KLF8: variants seen among roughly 807,000 people sequenced by gnomAD.
KLF8 encodes Krueppel-like factor 8.
A neutral mutation model predicts 18.2 loss-of-function variants in KLF8; 10 were observed. That is an observed-to-expected ratio of 0.55 (90% CI 0.34 to 0.93). The LOEUF is 0.93. KLF8 is among the 40% of genes least tolerant of loss of function. The pLI is 0.02. For synonymous variants in KLF8, 109 were observed against 97.3 expected (o/e 1.12, Z -0.71); for missense variants, 264 against 277.9 (o/e 0.95, Z 0.36).
chrX:56,136,358 A>G, the KLF8 span, among the ~76,000 whole-genome samples: 104 of 111,763 alleles, frequency 9.3e-4, 6 homozygotes, highest in South Asian at 0.038. Flanking sequence ...AAACTATACT[A>G]CAAGACTACA....
chrX:56,202,324 T>G, the KLF8 span, among the ~76,000 whole-genome samples: 1 of 110,496 alleles, frequency 9.1e-6, no homozygotes, highest in East Asian at 2.8e-4. Flanking sequence ...TGTATATATT[T>G]ATGAGGTATA....
At chrX:56,029,125 T>C in the KLF8 span, among the ~76,000 whole-genome samples, 1 of 111,171 alleles carries the variant, frequency 9.0e-6, no homozygotes, top group Non-Finnish European at 1.9e-5. Flanking sequence ...AGGGGCTTGA[T>C]TGATCACCAG....
chrX:56,047,520 G>A, the KLF8 span, among the ~76,000 whole-genome samples: 3 of 108,091 alleles, frequency 2.8e-5, no homozygotes, highest in African/African-American at 1.0e-4. Flanking sequence ...GTGGTGTTTG[G>A]TTTTTTGTCC....
At chrX:56,031,402 G>T in the KLF8 span, among the ~76,000 whole-genome samples, 1 of 112,198 alleles carries the variant, frequency 8.9e-6, no homozygotes, top group Non-Finnish European at 1.9e-5. Context: ...TGGGTGGTCA[G>T]GCCATGCTTC....
chrX:56,088,099 G>C, the KLF8 span, among the ~76,000 whole-genome samples: 2 of 111,378 alleles, frequency 1.8e-5, no homozygotes, highest in East Asian at 5.6e-4. Flanking sequence ...GTTGTAAAAG[G>C]AAATATGGAA....
the KLF8 span, among the ~76,000 whole-genome samples, chrX:56,053,544 G>GTTTTTTTT: frequency 0.021 from 1,422 of 68,376 alleles, 29 homozygotes; most frequent in Non-Finnish European, 0.028. Flanking sequence ...TCTTTTCTTT[G>GTTTTTTTT]TTTTTTTTTT....
the KLF8 span, among the ~76,000 whole-genome samples, chrX:56,199,693 A>G: frequency 8.9e-6 from 1 of 111,829 alleles, no homozygotes; most frequent in Admixed American, 9.5e-5. Context: ...AGGATCTAGA[A>G]CTAGAATTAC....
the KLF8 span, among the ~76,000 whole-genome samples, chrX:55,993,555 G>C: frequency 8.9e-6 from 1 of 111,951 alleles, no homozygotes; most frequent in East Asian, 2.8e-4. Flanking sequence ...ATATTGGCCT[G>C]CAATTTTCTT....
chrX:56,247,043 G>T (rs2066631174), intron 1 of KLF8, among the ~76,000 whole-genome samples: 1 of 111,677 alleles, frequency 9.0e-6, no homozygotes. Flanking sequence ...ATCCCTTAAT[G>T]AAGGGGATAT....
At chrX:56,205,232 A>T in the KLF8 span, among the ~76,000 whole-genome samples, 3 of 111,445 alleles carry the variant, frequency 2.7e-5, no homozygotes, top group Non-Finnish European at 5.7e-5. Context: ...TTTTCTTAAG[A>T]AGCAACCATT....
intron 2 of KLF8, among the ~76,000 whole-genome samples, chrX:56,264,909 T>A (rs901907783): frequency 8.9e-6 from 1 of 112,350 alleles, no homozygotes; most frequent in African/African-American, 3.2e-5. Context: ...TAGTAGATGC[T>A]CAGAAAGTGT....
chrX:56,024,781 G>A, the KLF8 span, among the ~76,000 whole-genome samples: 2 of 111,950 alleles, frequency 1.8e-5, no homozygotes, highest in Admixed American at 9.4e-5. Flanking sequence ...GTCATGGGTT[G>A]AATTTTAAAG....
chrX:55,946,790 G>T, the KLF8 span, among the ~76,000 whole-genome samples: 1 of 110,289 alleles, frequency 9.1e-6, no homozygotes, highest in African/African-American at 3.3e-5. Context: ...AAATTTACAA[G>T]AAAAAAACAA....
chrX:56,062,307 T>G, the KLF8 span, among the ~76,000 whole-genome samples: 1 of 111,422 alleles, frequency 9.0e-6, no homozygotes, highest in Non-Finnish European at 1.9e-5. Flanking sequence ...GTACCTTGTT[T>G]TTTGTTTGTG....
At chrX:56,266,433 C>G in intron 3 of KLF8, 1 of 713,222 alleles carries the variant, frequency 1.4e-6, no homozygotes, top group South Asian at 7.2e-5. Flanking sequence ...AATACTCTAT[C>G]TTAATTTTTT....
intron 2 of KLF8, among the ~76,000 whole-genome samples, chrX:56,262,442 T>G (rs1212441329): frequency 9.0e-6 from 1 of 111,731 alleles, no homozygotes; most frequent in Non-Finnish European, 1.9e-5. Flanking sequence ...CTCATCTCAC[T>G]GAAATGGCCT....
At chrX:55,920,736 T>A in the KLF8 span, among the ~76,000 whole-genome samples, 2 of 111,418 alleles carry the variant, frequency 1.8e-5, no homozygotes, top group African/African-American at 6.5e-5. Context: ...AAAAGAATTT[T>A]AAAAAATGAA....
At chrX:56,258,050 C>G (rs147397573) in intron 2 of KLF8, among the ~76,000 whole-genome samples, 1 of 111,754 alleles carries the variant, frequency 8.9e-6, no homozygotes. Context: ...TGATATTTAG[C>G]CCTATTTGAT....
At chrX:56,052,454 A>T in the KLF8 span, among the ~76,000 whole-genome samples, 1 of 111,676 alleles carries the variant, frequency 9.0e-6, no homozygotes, top group Non-Finnish European at 1.9e-5. Flanking sequence ...TTTGGTGTGG[A>T]TGTCCTTTCT....
Sources: allele counts gnomAD v4.1 joint callset (sites outside exome capture counted in the v4.1 genomes callset), GRCh38; gene constraint gnomAD v4.1.1; transcripts MANE v1.5; gene names NCBI Gene and HGNC (gene_info 2026-07-23, HGNC 2026-07-21).